Variants in PHLDB3 observed in about 807,000 individuals in gnomAD.
PHLDB3 encodes the protein pleckstrin homology like domain family B member 3, also known as pleckstrin homology-like domain family B member 3.
PHLDB3 carries 86 observed loss-of-function variants against 85.7 expected under a neutral mutation model. That is an observed-to-expected ratio of 1.00 (90% CI 0.84 to 1.20). The LOEUF (loss-of-function observed/expected upper bound fraction) is 1.20. PHLDB3 is among the 50% of genes most tolerant of loss of function. PHLDB3 has a pLI of 0.00. For missense variants in PHLDB3, 995 were observed against 873.0 expected, an observed-to-expected ratio of 1.14 and a Z score of -1.76; for synonymous variants, 376 against 349.8, an observed-to-expected ratio of 1.07 and a Z score of -0.83.
intron 13 of PHLDB3, among the ~76,000 whole-genome samples, chr19:43,481,448 G>A (rs1299739823): frequency 6.6e-5 from 10 of 152,282 alleles, no homozygotes; most frequent in Admixed American, 3.3e-4. Context: ...GAGAAACCCT[G>A]TCTCTGCTGA....
intron 14 of PHLDB3, 90 bp downstream of exon 14, chr19:43,479,287 G>A: frequency 7.6e-7 from 1 of 1,318,504 alleles, no homozygotes; most frequent in South Asian, 1.3e-5. Flanking sequence ...CATGGAAAGT[G>A]GGGGCCAGGA....
chr19:43,487,591 A>AAAAAAAAAACAAAAAAAAAAAAC (rs1167897767), intron 9 of PHLDB3, among the ~76,000 whole-genome samples: 2 of 115,770 alleles, frequency 1.7e-5, no homozygotes, highest in African/African-American at 6.3e-5. Context: ...AAAAAAAAAA[A>AAAAAAAAAACAAAAAAAAAAAAC]ACACAGAAAA....
At chr19:43,501,526 G>T in intron 4 of PHLDB3, 2 of 935,044 alleles carry the variant, frequency 2.1e-6, no homozygotes, top group Non-Finnish European at 3.1e-6. Flanking sequence ...ATAGCAAACG[G>T]ACAGGGGACA....
At chr19:43,486,153 A>G (rs1490833263) in intron 13 of PHLDB3, 113 bp downstream of exon 13, 3 of 1,414,236 alleles carry the variant, frequency 2.1e-6, no homozygotes, top group African/African-American at 2.9e-5. Context: ...CAAGCCCAGG[A>G]CAATTTTCTG....
At chr19:43,487,586 A>AAAAAAAAAAAAAC in intron 9 of PHLDB3, among the ~76,000 whole-genome samples, 1 of 120,548 alleles carries the variant, frequency 8.3e-6, no homozygotes, top group Non-Finnish European at 1.8e-5. Flanking sequence ...AAAAAAAAAA[A>AAAAAAAAAAAAAC]AAAAAACACA....
chr19:43,503,349 C>A (rs1971665578), intron 2 of PHLDB3, among the ~76,000 whole-genome samples: 1 of 151,040 alleles, frequency 6.6e-6, no homozygotes, highest in Non-Finnish European at 1.5e-5. Context: ...TTGTCCCAGG[C>A]TGGGGTGCAG....
At position 43,475,428 on chromosome 19, in the gene PHLDB3, G is replaced by C; in HGVS notation, c.1905C>G (p.Asp635Glu). The C allele has an allele frequency of 6.2e-7, 1 of 1,613,910 alleles. No individual in the cohort carries two copies. The change falls in exon 16 of 16, where the codon GAC (aspartate) becomes GAG (glutamate). Residue 635 changes from aspartate (D) to glutamate (E), a missense_variant. Physicochemically the swap from Asp to Glu is conservative, Grantham distance 45. Transcript: ENST00000292140. ...IWMDVIVTAA[D>E]ENHAP ...GGGCCACTCAGGGGGCGTGGTTTTC[G>C]TCAGCGGCGGTCACGATGACGTCCA...
chr19:43,495,456 G>T, intron 7 of PHLDB3, 39 bp downstream of exon 7: 6 of 1,604,426 alleles, frequency 3.7e-6, no homozygotes, highest in Non-Finnish European at 5.1e-6. Context: ...CCAGGGGGAA[G>T]TGAGGACGGT....
chr19:43,498,396 G>A (rs913352171), intron 4 of PHLDB3, among the ~76,000 whole-genome samples: 10 of 150,174 alleles, frequency 6.7e-5, no homozygotes, highest in African/African-American at 2.5e-4. Context: ...GGGAAGGAAC[G>A]AAGGAAGGAG....
In PHLDB3 at chr19:43,475,442, C is replaced by T; in HGVS notation, c.1891G>A (p.Val631Met). The change falls in exon 16 of 16, where the codon GTG (valine) becomes ATG (methionine). Residue 631 changes from valine to methionine, a missense_variant. Coordinates refer to ENST00000292140, the MANE Select transcript of PHLDB3 (RefSeq NM_198850.4). ...GCGTGGTTTTCGTCAGCGGCGGTCA[C>T]GATGACGTCCATCCAAATGCGCATG... is the stretch of plus-strand genomic sequence containing the variant. ...EAMRIWMDVI[V>M]TAADENHAP The T allele has an allele frequency of 6.2e-7, 1 of 1,613,930 alleles. No homozygotes were observed. The highest frequency in any genetic ancestry group is 8.5e-7 in the Non-Finnish European group (1 of 1,179,852).
chr19:43,481,264 T>C (rs971678299), intron 13 of PHLDB3, among the ~76,000 whole-genome samples: 3 of 152,060 alleles, frequency 2.0e-5, no homozygotes, highest in Non-Finnish European at 2.9e-5. Context: ...GGAGGATCAC[T>C]TAAACCCAGG....
intron 2 of PHLDB3, 108 bp from the exon 3 acceptor site, chr19:43,502,391 TC>T: frequency 9.8e-7 from 1 of 1,019,938 alleles, no homozygotes; most frequent in Non-Finnish European, 1.4e-6. Flanking sequence ...AGTCCATCAG[TC>T]CACTTACCTA....
Position 43,497,229 on chromosome 19 carries a change from G to C in PHLDB3, c.714C>G (p.Phe238Leu). ...VAQRAYEDLE[F>L]QQLERESRQE... ...GCCGGCTCTCCCGCTCCAGTTGCTG[G>C]AACTCCAGGTCCTCATAGGCACGTT... The change falls in exon 6 of 16, where the codon TTC (phenylalanine) becomes TTG (leucine). Residue 238 changes from phenylalanine to leucine, a missense_variant. Coordinates refer to ENST00000292140, the MANE Select transcript of PHLDB3 (RefSeq NM_198850.4). The C allele has an allele frequency of 6.5e-7, 1 of 1,534,272 alleles. No individual in the cohort carries two copies. Among genetic ancestry groups the C allele is most frequent in the South Asian group, 1.3e-5 (1 of 79,492 alleles).
At chr19:43,486,582 T>C (rs776591137) in intron 12 of PHLDB3, 27 bp downstream of exon 12, 2 of 1,603,830 alleles carry the variant, frequency 1.2e-6, no homozygotes, top group Admixed American at 1.7e-5. Flanking sequence ...AGTCTTCTGT[T>C]CCGAAGAGGA....
At chr19:43,499,300 A>G (rs1008211533) in intron 4 of PHLDB3, among the ~76,000 whole-genome samples, 2 of 151,932 alleles carry the variant, frequency 1.3e-5, no homozygotes, top group Non-Finnish European at 2.9e-5. Context: ...AACAGTGTGG[A>G]GAAGGGAGTT....
At chr19:43,479,737 C>T in intron 13 of PHLDB3, 144 bp from the exon 14 acceptor site, 1 of 626,374 alleles carries the variant, frequency 1.6e-6, no homozygotes, top group Non-Finnish European at 2.8e-6. Flanking sequence ...GACCATCTGA[C>T]AAATGCAACG....
In PHLDB3 at chr19:43,495,489, G is replaced by A; in HGVS notation, c.951+6C>T. 1 of 1,605,712 alleles carries A rather than the reference G, an allele frequency of 6.2e-7. No homozygotes were observed. Among genetic ancestry groups the A allele is most frequent in the Non-Finnish European group, 8.5e-7 (1 of 1,176,164 alleles). ...GGTAGGGTAGGGCAGGTGACAGGTA[G>A]CTCACCTGTGACAGGGCCTGAAGGG... On this transcript the variant is annotated splice_donor_region_variant and intron_variant, in intron 7 of 15. Transcript: ENST00000292140.
At chr19:43,483,514 A>G (rs1253916473) in intron 13 of PHLDB3, among the ~76,000 whole-genome samples, 1 of 152,088 alleles carries the variant, frequency 6.6e-6, no homozygotes, top group Non-Finnish European at 1.5e-5. Context: ...CCGGGACTCA[A>G]GTGATCCTCC....
Position 43,502,256 on chromosome 19 carries a change from C to T in PHLDB3, c.241G>A (p.Ala81Thr). Residue 81 changes from alanine (A) to threonine (T), a missense_variant, in exon 3 of 16, where the codon GCG becomes ACG. Physicochemically the swap from Ala to Thr is moderately conservative, Grantham distance 58. Coordinates refer to ENST00000292140, the MANE Select transcript of PHLDB3 (RefSeq NM_198850.4). The part of the protein sequence containing the change: ...APEATPPIAM[A>T]ATPPASTSSR... ...GAGGTGGATGCGGGAGGTGTGGCCG[C>T]CATAGCTATCGGAGGCGTAGCCTCG... The T allele has an allele frequency of 1.9e-6, 3 of 1,563,918 alleles. No homozygotes were observed. Among genetic ancestry groups the T allele is most frequent in the Non-Finnish European group, 2.6e-6 (3 of 1,157,622 alleles).
Sources: gnomAD v4.1 joint callset for allele counts (sites outside exome capture counted in the v4.1 genomes callset) on GRCh38, gnomAD v4.1.1 for gene constraint, MANE v1.5 for transcripts, NCBI Gene and HGNC (gene_info 2026-07-23, HGNC 2026-07-21) for gene names.